Variants in KLHL4 observed in about 807,000 individuals in gnomAD.
KLHL4 encodes kelch-like protein 4.
KLHL4 carries 17 observed loss-of-function variants against 45.8 expected under a neutral mutation model. The observed-to-expected ratio is 0.37, with a 90% confidence interval of 0.25 to 0.56. The LOEUF (loss-of-function observed/expected upper bound fraction) is 0.56. Ranked by LOEUF, KLHL4 falls within the 20% of genes least tolerant of loss-of-function variation. The probability of loss-of-function intolerance (pLI) is 0.79; values close to 1 mark genes in which losing one functional copy is unlikely to be tolerated. For missense variants in KLHL4, 544 were observed against 544.9 expected (o/e 1.00, Z 0.02); for synonymous variants, 224 against 189.9 (o/e 1.18, Z -1.47).
At chrX:87,618,208 T>C (rs1922629099) in intron 4 of KLHL4, 80 bp downstream of exon 4, 3 of 779,165 alleles carry the variant, frequency 3.9e-6, no homozygotes, top group Non-Finnish European at 5.3e-6. Context: ...CATAAACTTA[T>C]ATAACTTGTA....
At chrX:87,591,746 G>T (rs1464529451) in intron 1 of KLHL4, among the ~76,000 whole-genome samples, 3 of 111,150 alleles carry the variant, frequency 2.7e-5, no homozygotes, top group Non-Finnish European at 5.7e-5. Flanking sequence ...ATATTAGGTG[G>T]GATATTTACA....
chrX:87,589,546 T>C (rs747597651), intron 1 of KLHL4, among the ~76,000 whole-genome samples: 2 of 111,775 alleles, frequency 1.8e-5, no homozygotes, highest in East Asian at 5.6e-4. Context: ...TTAAGTGAAA[T>C]AAGCCAGGCA....
intron 1 of KLHL4, among the ~76,000 whole-genome samples, chrX:87,568,699 C>A (rs775665015): frequency 1.8e-5 from 2 of 111,136 alleles, no homozygotes; most frequent in Non-Finnish European, 3.8e-5. Context: ...CCCCATACAT[C>A]TATGGTCAGT....
chrX:87,642,995 G>T lies in KLHL4; in HGVS notation c.1925+7220G>T, dbSNP rs768249288. Among the ~76,000 whole-genome samples, 187 of 111,652 alleles carry T rather than the reference G, an allele frequency of 1.7e-3. 1 individual carries two copies. Among genetic ancestry groups the T allele is most frequent in the Middle Eastern group, 4.6e-3 (1 of 217 alleles). Reference sequence around the variant, plus strand: ...ATATTTGGGTGAATAATTGAGGAAAGCTTCCCTGGTCTTGCTAGAGACCTA... The same window carrying T: ...ATATTTGGGTGAATAATTGAGGAAATCTTCCCTGGTCTTGCTAGAGACCTA... On this transcript the variant is annotated intron_variant, in intron 9 of 10. Transcript: ENST00000373119.
At chrX:87,521,977 T>G (rs1294510537) in intron 1 of KLHL4, among the ~76,000 whole-genome samples, 2 of 112,619 alleles carry the variant, frequency 1.8e-5, no homozygotes, top group Non-Finnish European at 3.7e-5. Flanking sequence ...CAGAGACCTC[T>G]GCCTTTTATG....
rs779916990 is a variant in KLHL4 at position 87,601,794 on chromosome X, G to T, written c.423-12083G>T. 3.6e-5 allele frequency among the ~76,000 whole-genome samples: 4 copies of T among 111,376 alleles called. No individual in the cohort carries two copies. In the East Asian group the frequency reaches 1.1e-3, roughly 31 times the overall value. On this transcript the variant is annotated intron_variant, in intron 1 of 10. Transcript: ENST00000373119. Reference sequence around the variant, plus strand: ...TAAAAACATATATGCTTTCATAGCAGTTCATATGCTTTGGATTTTATGGGA... The same window carrying T: ...TAAAAACATATATGCTTTCATAGCATTTCATATGCTTTGGATTTTATGGGA...
At chrX:87,632,058 G>T in intron 6 of KLHL4, 152 bp from the exon 7 acceptor site, 1 of 418,295 alleles carries the variant, frequency 2.4e-6, no homozygotes, top group African/African-American at 2.5e-5. Context: ...TTGTCTCCCA[G>T]GTTGTAGAAT....
At chrX:87,537,309 CAAG>C (rs949835841) in intron 1 of KLHL4, among the ~76,000 whole-genome samples, 15 of 111,218 alleles carry the variant, frequency 1.3e-4, no homozygotes, top group African/African-American at 4.9e-4. Context: ...TTGACTAAAT[CAAG>C]AAGATGTAAT....
At chrX:87,566,080 TAAAGTA>T (rs1932206140) in intron 1 of KLHL4, among the ~76,000 whole-genome samples, 2 of 68,870 alleles carry the variant, frequency 2.9e-5, no homozygotes, top group African/African-American at 6.1e-5. Flanking sequence ...TCCCAGAACT[TAAAGTA>T]AAATAAAATA....
At chrX:87,631,877 T>C (rs1273452287) in intron 6 of KLHL4, among the ~76,000 whole-genome samples, 1 of 112,570 alleles carries the variant, frequency 8.9e-6, no homozygotes, top group East Asian at 2.8e-4. Context: ...AATAATAGAA[T>C]CCAAGGTATT....
chrX:87,600,453 A>C (rs1440037072), intron 1 of KLHL4, among the ~76,000 whole-genome samples: 3 of 102,049 alleles, frequency 2.9e-5, no homozygotes, highest in Admixed American at 1.1e-4. Flanking sequence ...ACTGCACTCC[A>C]GCCTGGGCGA....
At chrX:87,535,077 A>C (rs1931400792) in intron 1 of KLHL4, among the ~76,000 whole-genome samples, 1 of 112,068 alleles carries the variant, frequency 8.9e-6, no homozygotes, top group Non-Finnish European at 1.9e-5. Context: ...ATATGCTATA[A>C]TTTCACAGCT....
intron 1 of KLHL4, among the ~76,000 whole-genome samples, chrX:87,525,339 A>T (rs1031624991): frequency 1.8e-5 from 2 of 111,549 alleles, no homozygotes; most frequent in Non-Finnish European, 1.9e-5. Context: ...AATAATATTT[A>T]CATTGCTGCG....
intron 1 of KLHL4, among the ~76,000 whole-genome samples, chrX:87,600,105 G>C (rs1602436887): frequency 9.0e-6 from 1 of 111,484 alleles, no homozygotes; most frequent in Non-Finnish European, 1.9e-5. Context: ...TGTTTGGATC[G>C]TGGGGGCAGA....
intron 1 of KLHL4, among the ~76,000 whole-genome samples, chrX:87,586,651 C>A (rs1921483486): frequency 9.0e-6 from 1 of 110,648 alleles, no homozygotes; most frequent in Non-Finnish European, 1.9e-5. Flanking sequence ...AAGTTTGCAG[C>A]TATAAGTGCT....
chrX:87,550,012 T>G (rs1247953848), intron 1 of KLHL4, among the ~76,000 whole-genome samples: 1 of 111,419 alleles, frequency 9.0e-6, no homozygotes, highest in Admixed American at 9.6e-5. Context: ...TGACAAATTT[T>G]TAGCCAGACT....
intron 1 of KLHL4, among the ~76,000 whole-genome samples, chrX:87,595,032 T>A (rs1009359942): frequency 3.4e-4 from 36 of 106,856 alleles, no homozygotes; most frequent in Admixed American, 7.9e-4. Flanking sequence ...TTTTTTTTTT[T>A]ATTATACTTT....
At chrX:87,556,319 A>G (rs1324489734) in intron 1 of KLHL4, among the ~76,000 whole-genome samples, 1 of 110,358 alleles carries the variant, frequency 9.1e-6, no homozygotes, top group Non-Finnish European at 1.9e-5. Context: ...TGGCACATAT[A>G]CACCATGGAA....
chrX:87,528,305 C>G (rs998531962), intron 1 of KLHL4, among the ~76,000 whole-genome samples: 2 of 111,193 alleles, frequency 1.8e-5, no homozygotes, highest in Non-Finnish European at 3.8e-5. Flanking sequence ...GAAAGTATTT[C>G]TGAACTCAAA....
Sources: allele counts gnomAD v4.1 joint callset (sites outside exome capture counted in the v4.1 genomes callset), GRCh38; gene constraint gnomAD v4.1.1; transcripts MANE v1.5; gene names NCBI Gene and HGNC (gene_info 2026-07-23, HGNC 2026-07-21).